The following ARHGAP30 variants were observed in gnomAD, a reference collection of about 807,000 sequenced individuals.
ARHGAP30 encodes rho GTPase-activating protein 30.
ARHGAP30 carries 23 observed loss-of-function variants against 72.0 expected under a neutral mutation model. The ratio of observed to expected loss-of-function variants is 0.32; its 90% confidence interval spans 0.23 to 0.45. The LOEUF is 0.45. Ranked by LOEUF, ARHGAP30 falls within the 20% of genes least tolerant of loss-of-function variation. The probability of loss-of-function intolerance (pLI) is 1.00; values close to 1 mark genes in which losing one functional copy is unlikely to be tolerated. For missense variants in ARHGAP30, 1,319 were observed against 1,383.4 expected, an observed-to-expected ratio of 0.95 and a Z score of 0.74; for synonymous variants, 576 against 528.2, an observed-to-expected ratio of 1.09 and a Z score of -1.24.
chr1:161,049,210 T>G lies in ARHGAP30; in HGVS notation c.1811A>C (p.Asn604Thr), dbSNP rs372150791. 5.3e-5 allele frequency: 86 copies of G among 1,613,932 alleles called. No homozygotes were observed. The highest frequency in any genetic ancestry group is 7.0e-5 in the Non-Finnish European group (83 of 1,179,980). ...GGCACTCAGGAAAACTTCCTCCCCA[T>G]TTTCCTCCTCAACTTCAGGCCTGGG... ...AGPRPEVEEENGEEVFLSAYD... is the reference protein window; with the variant it reads ...AGPRPEVEEETGEEVFLSAYD... The change falls in exon 12 of 12, where the codon AAT (asparagine) becomes ACT (threonine). Residue 604 changes from asparagine to threonine, a missense_variant. Asn to Thr is a moderately conservative substitution (Grantham distance 65). This residue lies in a region of ARHGAP30 where 1,097 missense variants were observed against 1,045.2 expected (regional missense o/e 1.05). Transcript: ENST00000368013.
At chr1:161,055,883 A>AGT (rs1651818730) in intron 3 of ARHGAP30, among the ~76,000 whole-genome samples, 1 of 116,082 alleles carries the variant, frequency 8.6e-6, no homozygotes, top group African/African-American at 4.2e-5. Context: ...AATAAAATAA[A>AGT]AATAAATAAA....
intron 9 of ARHGAP30, 69 bp from the exon 10 acceptor site, chr1:161,051,784 G>T: frequency 4.8e-6 from 7 of 1,464,776 alleles, no homozygotes; most frequent in Non-Finnish European, 6.3e-6. Context: ...TCTCAAGAAG[G>T]CTCTGGAGAA....
rs749390753 is a variant in ARHGAP30, at chr1:161,053,316, G to T, written c.606C>A (p.Ile202=). 1.9e-6 allele frequency: 3 copies of T among 1,614,028 alleles called. No individual in the cohort carries two copies. Among genetic ancestry groups the T allele is most frequent in the Non-Finnish European group, 2.5e-6 (3 of 1,180,028 alleles). ...CGTGTGTGAGGATGAACTCCACGACGATGGATTGTACCCGCACCTCCATGA... is the reference window on the plus strand; with the variant it reads ...CGTGTGTGAGGATGAACTCCACGACTATGGATTGTACCCGCACCTCCATGA... The part of the protein sequence containing the change: ...AAFMEVRVQS[I]VVEFILTHVD... The change falls in exon 6 of 12, where the codon ATC becomes ATA. Residue 202 remains isoleucine, a synonymous_variant. Coordinates refer to ENST00000368013, the MANE Select transcript of ARHGAP30 (RefSeq NM_001025598.2).
chr1:161,069,215 C>A lies in ARHGAP30; in HGVS notation c.97+313G>T, dbSNP rs1248245691. Among the ~76,000 whole-genome samples the A allele has an allele frequency of 3.3e-5, 5 of 152,140 alleles. No individual in the cohort carries two copies. Among genetic ancestry groups the A allele is most frequent in the African/African-American group, 1.2e-4 (5 of 41,422 alleles). ...ACCCTCCCTCTCCTGTTCCCAGTCA[C>A]CTGCCCGCTGTTTCATCCACTCCTC... On this transcript the variant is annotated intron_variant, in intron 1 of 11. Transcript: ENST00000368013. This position sits in a 1 kb window ranked among gnomAD's most constrained non-coding sequence, Gnocchi z 4.9.
chr1:161,064,829 AAGAG>A lies in ARHGAP30; in HGVS notation c.97+4695_97+4698del, dbSNP rs113719533. 6.8e-4 allele frequency among the ~76,000 whole-genome samples: 31 copies of A among 45,458 alleles called. 1 individual carries two copies. Among genetic ancestry groups the A allele is most frequent in the South Asian group, 5.1e-3 (8 of 1,564 alleles). 29.8% of individuals were successfully genotyped at this position (45,458 alleles called of 152,430 possible). On this transcript the variant is annotated intron_variant, in intron 1 of 11. Coordinates refer to ENST00000368013, the MANE Select transcript of ARHGAP30 (RefSeq NM_001025598.2). ...AAAGAAAGAAAGAAAGAAAGAAAGAAAGAGAAAGAAAGAAAGAAAGGAAAGGAAG... is the reference window on the plus strand; with the variant it reads ...AAAGAAAGAAAGAAAGAAAGAAAGAAAAAGAAAGAAAGAAAGGAAAGGAAG...
Position 161,064,779 on chromosome 1 carries a change from A to AAAGAAAGAAAGAAAG in ARHGAP30, c.97+4748_97+4749insCTTTCTTTCTTTCTT, listed in dbSNP as rs1553219780. Among the ~76,000 whole-genome samples the AAAGAAAGAAAGAAAG allele has an allele frequency of 2.4e-3, 240 of 98,150 alleles. 1 individual carries two copies. Among genetic ancestry groups the AAAGAAAGAAAGAAAG allele is most frequent in the South Asian group, 0.01 (30 of 2,916 alleles). 64.4% of individuals were successfully genotyped at this position (98,150 alleles called of 152,430 possible). A position where few individuals can be genotyped will look rare whatever the true frequency, so the allele number is the denominator to read the frequency against. On this transcript the variant is annotated intron_variant, in intron 1 of 11. Transcript: ENST00000368013. ...AGAAAGAGAAAGAAAGAAAGAAAGAAAAAGAAAGAAAGAAAGAAAGAAAGA... is the reference window on the plus strand; with the variant it reads ...AGAAAGAGAAAGAAAGAAAGAAAGAAAAGAAAGAAAGAAAGAAAGAAAGAAAGAAAGAAAGAAAGA...
chr1:161,048,583 T>G lies in ARHGAP30; in HGVS notation c.2438A>C (p.Asp813Ala). ...REKGYHEARK[D>A]QGDGEDSRSP... ...TCTGCTGTCTTCACCATCTCCTTGG[T>G]CTTTTCTTGCTTCATGGTACCCCTT... The change falls in exon 12 of 12, where the codon GAC becomes GCC. Residue 813 changes from aspartate to alanine, a missense_variant. Asp to Ala is a moderately radical substitution (Grantham distance 126, BLOSUM62 -2). Transcript: ENST00000368013. 1.2e-6 allele frequency: 2 copies of G among 1,614,106 alleles called. No homozygotes were observed. Among genetic ancestry groups the G allele is most frequent in the Non-Finnish European group, 1.7e-6 (2 of 1,180,004 alleles).
At chr1:161,055,155 T>C (rs1186823281) in intron 3 of ARHGAP30, among the ~76,000 whole-genome samples, 1 of 152,208 alleles carries the variant, frequency 6.6e-6, no homozygotes, top group Non-Finnish European at 1.5e-5. Context: ...TTTTAAAGTG[T>C]TACTCAATTC....
chr1:161,059,783 T>A, intron 1 of ARHGAP30, 67 bp from the exon 2 acceptor site: 1 of 1,379,190 alleles, frequency 7.3e-7, no homozygotes, highest in Non-Finnish European at 1.0e-6. Context: ...CTGCACTGGG[T>A]CTGAGAAATG....
chr1:161,047,652 G>A lies in ARHGAP30; in HGVS notation c.*63C>T. The A allele has an allele frequency of 2.0e-6, 3 of 1,480,862 alleles. No individual in the cohort carries two copies. Among genetic ancestry groups the A allele is most frequent in the East Asian group, 2.3e-5 (1 of 42,704 alleles). 91.7% of individuals were successfully genotyped at this position (1,480,862 alleles called of 1,614,324 possible). A position where few individuals can be genotyped will look rare whatever the true frequency, so the allele number is the denominator to read the frequency against. ...GCTCATGCTGCAGAGGAGACAGCTA[G>A]TCAGGAACCCTGGAGATTCAAGACA... On this transcript the variant is annotated 3_prime_UTR_variant, in exon 12 of 12. Transcript: ENST00000368013.
Position 161,069,359 on chromosome 1 carries a change from G to A in ARHGAP30, c.97+169C>T, listed in dbSNP as rs1474246751. On this transcript the variant is annotated intron_variant, in intron 1 of 11. Transcript: ENST00000368013. The surrounding 1 kb of genome is among the most constrained non-coding windows in gnomAD (Gnocchi z 4.9). Reference sequence around the variant, plus strand: ...AGGGAGCCGCCCTGCCTTCTTCACTGAGCCACATTTCCTGTCTTGCCCACT... The same window carrying A: ...AGGGAGCCGCCCTGCCTTCTTCACTAAGCCACATTTCCTGTCTTGCCCACT... Among the ~76,000 whole-genome samples, 1 of 152,070 alleles carries A rather than the reference G, an allele frequency of 6.6e-6. No homozygotes were observed. Among genetic ancestry groups the A allele is most frequent in the African/African-American group, 2.4e-5 (1 of 41,408 alleles).
intron 6 of ARHGAP30, chr1:161,053,004 TG>T: frequency 1.2e-6 from 1 of 866,488 alleles, no homozygotes; most frequent in Non-Finnish European, 1.7e-6. Context: ...CCTGGTGGGC[TG>T]GGGGTGGATA....
rs1477883617 is a variant in ARHGAP30, at chr1:161,047,524, T to A, written c.*191A>T. On this transcript the variant is annotated 3_prime_UTR_variant, in exon 12 of 12. Transcript: ENST00000368013. ...TGGGAATCTCCTAAGAGATAAGTGCTTTGTGTCGGAGACAAGTTCAGGTAA... is the reference window on the plus strand; with the variant it reads ...TGGGAATCTCCTAAGAGATAAGTGCATTGTGTCGGAGACAAGTTCAGGTAA... The A allele has an allele frequency of 8.6e-6, 4 of 463,538 alleles. No homozygotes were observed. Among genetic ancestry groups the A allele is most frequent in the Non-Finnish European group, 1.4e-5 (4 of 276,314 alleles). 28.7% of individuals were successfully genotyped at this position (463,538 alleles called of 1,614,324 possible).
In ARHGAP30 at chr1:161,056,391, A is replaced by G. The variant is rs200369587; in HGVS notation, c.342T>C (p.Phe114=). The G allele has an allele frequency of 6.2e-6, 10 of 1,613,574 alleles. No homozygotes were observed. Among genetic ancestry groups the G allele is most frequent in the Non-Finnish European group, 8.5e-6 (10 of 1,179,842 alleles). The part of the protein sequence containing the change: ...PLLTYRLYDK[F]AEAVGVQLEP... Reference sequence around the variant, plus strand: ...ACCCCTCGGCCTCTCAACTCACAGCAAACTTGTCATAGAGCCGGTAAGTGA... The same window carrying G: ...ACCCCTCGGCCTCTCAACTCACAGCGAACTTGTCATAGAGCCGGTAAGTGA... The change falls in exon 3 of 12, where the codon TTT becomes TTC. Residue 114 remains phenylalanine (F), a synonymous_variant. Transcript: ENST00000368013.
rs1653043029 is a variant in ARHGAP30, at chr1:161,069,799, GCCCCGGCC to G, written c.-183_-176del. 3 of 624,422 alleles carry G rather than the reference GCCCCGGCC, an allele frequency of 4.8e-6. No homozygotes were observed. Among genetic ancestry groups the G allele is most frequent in the Admixed American group, 5.9e-5 (2 of 33,830 alleles). The allele number at this position is 624,422 out of a possible 1,614,324, so 38.7% of individuals were successfully genotyped here. A position where few individuals can be genotyped will look rare whatever the true frequency, so the allele number is the denominator to read the frequency against. ...ACGGGCAGCAGCTCCTGCCCCTGGGGCCCCGGCCACACGGAAGTGGCTGTTGAAGAGGA... is the reference window on the plus strand; with the variant it reads ...ACGGGCAGCAGCTCCTGCCCCTGGGGACACGGAAGTGGCTGTTGAAGAGGA... On this transcript the variant is annotated 5_prime_UTR_variant, in exon 1 of 12. Coordinates refer to ENST00000368013, the MANE Select transcript of ARHGAP30 (RefSeq NM_001025598.2). This position sits in a 1 kb window ranked among gnomAD's most constrained non-coding sequence, Gnocchi z 4.9.
At chr1:161,057,819 A>G (rs1651990881) in intron 2 of ARHGAP30, among the ~76,000 whole-genome samples, 1 of 152,148 alleles carries the variant, frequency 6.6e-6, no homozygotes, top group South Asian at 2.1e-4. Context: ...GTTCGAGACC[A>G]GCCTGACCAA....
chr1:161,049,726 C>A, intron 10 of ARHGAP30, 37 bp from the exon 11 acceptor site: 1 of 1,595,662 alleles, frequency 6.3e-7, no homozygotes, highest in South Asian at 1.1e-5. Context: ...ATACAAAGGT[C>A]AAGCCCTGAC....
At chr1:161,055,249 T>C (rs1358285650) in intron 3 of ARHGAP30, among the ~76,000 whole-genome samples, 1 of 152,198 alleles carries the variant, frequency 6.6e-6, no homozygotes, top group Non-Finnish European at 1.5e-5. Flanking sequence ...CACCAGCACT[T>C]TGGGAGCTGA....
chr1:161,052,439 C>A lies in ARHGAP30; in HGVS notation c.940+1G>T. ...AGCTCCCCCCATCTCCCCAGACTTA[C>A]CCCTGTCCTCAGCCCCCCGTGGAAG... On this transcript the variant is annotated splice_donor_variant, in intron 8 of 11. Transcript: ENST00000368013. LOFTEE classifies it high-confidence loss of function. 1 of 1,613,690 alleles carries A rather than the reference C, an allele frequency of 6.2e-7. No individual in the cohort carries two copies. The highest frequency in any genetic ancestry group is 1.3e-5 in the African/African-American group (1 of 74,910).
Sources: allele counts gnomAD v4.1 joint callset (sites outside exome capture counted in the v4.1 genomes callset), GRCh38; gene constraint gnomAD v4.1.1; regional missense constraint gnomAD v4.1.1; non-coding constraint Gnocchi (gnomAD v3.1); transcripts MANE v1.5; gene names NCBI Gene and HGNC (gene_info 2026-07-23, HGNC 2026-07-21).